MTSS2: variants seen among roughly 807,000 people sequenced by gnomAD.
MTSS2 encodes protein MTSS 2.
MTSS2 carries 27 observed loss-of-function variants against 67.1 expected under a neutral mutation model. The ratio of observed to expected loss-of-function variants is 0.40; its 90% CI spans 0.30 to 0.55. The LOEUF (loss-of-function observed/expected upper bound fraction) is 0.55, where lower values mean the gene tolerates loss of function less well. Among genes scored for constraint, MTSS2 ranks in the 20% least tolerant of loss-of-function variants. The pLI, the probability that MTSS2 is intolerant of heterozygous loss-of-function variation, is 0.43. For missense variants in MTSS2, 1,171 were observed against 1,067.8 expected, an observed-to-expected ratio of 1.10 and a Z score of -1.35; for synonymous variants, 624 against 468.6, an observed-to-expected ratio of 1.33 and a Z score of -4.28.
Position 70,663,417 on chromosome 16 carries a change from G to GGAA in MTSS2, c.*257_*259dup. ...AGGGAAGAGGCAGGGCCCCAGAGGA[G>GGAA]GAAGAGGAGGGACCGAAGAGCATAA... On this transcript the variant is annotated 3_prime_UTR_variant, in exon 15 of 15. Transcript: ENST00000338779. The GGAA allele has an allele frequency of 1.8e-6, 1 of 542,832 alleles. No homozygotes were observed. Among genetic ancestry groups the GGAA allele is most frequent in the Non-Finnish European group, 3.1e-6 (1 of 323,982 alleles). 33.6% of individuals were successfully genotyped at this position (542,832 alleles called of 1,614,324 possible). A position where few individuals can be genotyped will look rare whatever the true frequency, so the allele number is the denominator to read the frequency against.
At chr16:70,667,056 ACTTG>A (rs1483266466) in intron 11 of MTSS2, among the ~76,000 whole-genome samples, 2 of 152,148 alleles carry the variant, frequency 1.3e-5, no homozygotes, top group African/African-American at 4.8e-5. Context: ...CATAAGGATC[ACTTG>A]AGCCCAGGAG....
At chr16:70,668,745 C>T (rs2052814116) in intron 11 of MTSS2, among the ~76,000 whole-genome samples, 1 of 152,184 alleles carries the variant, frequency 6.6e-6, no homozygotes, top group Non-Finnish European at 1.5e-5. Context: ...TAGTTTGCCC[C>T]TTCCACCACT....
chr16:70,664,162 G>A lies in MTSS2; in HGVS notation c.1759C>T (p.Arg587Trp), dbSNP rs1382544571. 1.8e-5 allele frequency: 29 copies of A among 1,606,164 alleles called. No individual in the cohort carries two copies. Among genetic ancestry groups the A allele is most frequent in the East Asian group, 1.8e-4 (8 of 44,850 alleles). ...ALSSAGPIPI[R>W]PPIVPVKTPT... is the part of the protein sequence containing the mutation. ...GTCTTCACAGGGACGATGGGCGGCC[G>A]GATGGGGATGGGGCCAGCGCTGGAC... is the stretch of plus-strand genomic sequence containing the variant. Residue 587 changes from arginine (R) to tryptophan (W), a missense_variant, in exon 15 of 15, where the codon CGG (arginine) becomes TGG (tryptophan). Arg to Trp is a moderately radical substitution (Grantham distance 101). Coordinates refer to ENST00000338779, the MANE Select transcript of MTSS2 (RefSeq NM_138383.3).
At chr16:70,671,522 G>C (rs2142788969) in intron 11 of MTSS2, among the ~76,000 whole-genome samples, 1 of 152,194 alleles carries the variant, frequency 6.6e-6, no homozygotes, top group African/African-American at 2.4e-5. Context: ...AATAAATGGG[G>C]GAGAAGGGAC....
At position 70,663,520 on chromosome 16, in the gene MTSS2, G is replaced by A. The variant is rs2052569946; in HGVS notation, c.*157C>T. 1 of 1,333,530 alleles carries A rather than the reference G, an allele frequency of 7.5e-7. No individual in the cohort carries two copies. Among genetic ancestry groups the A allele is most frequent in the Non-Finnish European group, 9.9e-7 (1 of 1,013,126 alleles). 82.6% of individuals were successfully genotyped at this position (1,333,530 alleles called of 1,614,324 possible). On this transcript the variant is annotated 3_prime_UTR_variant, in exon 15 of 15. Transcript: ENST00000338779. ...CTAAGAAGTCACTTCCTGTTTAAAT[G>A]CTGGAATCCAAGTGAGGTGTCTTTC...
chr16:70,677,987 G>T (rs969188130), intron 8 of MTSS2, 88 bp from the exon 9 acceptor site: 3 of 1,176,138 alleles, frequency 2.6e-6, no homozygotes, highest in African/African-American at 3.0e-5. Context: ...GCCCTTGTCG[G>T]GCCTCTCCTC....
chr16:70,674,731 G>A (rs2053059635), intron 10 of MTSS2, among the ~76,000 whole-genome samples: 1 of 152,196 alleles, frequency 6.6e-6, no homozygotes, highest in Non-Finnish European at 1.5e-5. Context: ...GCCAGAGCAG[G>A]GTACCCCCAG....
chr16:70,665,782 T>C (rs13334862), intron 11 of MTSS2: 4 of 423,270 alleles, frequency 9.5e-6, no homozygotes, highest in Non-Finnish European at 1.3e-5. Flanking sequence ...CCTGCGCATT[T>C]TGAAGACTGA....
intron 6 of MTSS2, 53 bp downstream of exon 6, chr16:70,679,577 G>C (rs1442399841): frequency 6.5e-7 from 1 of 1,530,548 alleles, no homozygotes; most frequent in Non-Finnish European, 8.8e-7. Flanking sequence ...GGGGCGGTGG[G>C]GCTGTGGAGC....
At chr16:70,681,665 G>A (rs573995991) in intron 1 of MTSS2, among the ~76,000 whole-genome samples, 26 of 152,364 alleles carry the variant, frequency 1.7e-4, no homozygotes, top group African/African-American at 6.0e-4. Context: ...GGCCTTGTGC[G>A]GCCAACAGAG....
intron 9 of MTSS2, among the ~76,000 whole-genome samples, chr16:70,677,361 C>T (rs1480786122): frequency 6.6e-6 from 1 of 152,134 alleles, no homozygotes; most frequent in Non-Finnish European, 1.5e-5. Flanking sequence ...CTGGAGCGTG[C>T]TGCCCGCAGG....
chr16:70,684,836 C>A (rs1346340856), intron 1 of MTSS2, among the ~76,000 whole-genome samples: 1 of 152,194 alleles, frequency 6.6e-6, no homozygotes, highest in Non-Finnish European at 1.5e-5. Flanking sequence ...AAACCCTGGC[C>A]TCATTTGGGG....
chr16:70,677,890 G>C lies in MTSS2; in HGVS notation c.634C>G (p.Leu212Val). The C allele has an allele frequency of 6.2e-7, 1 of 1,607,686 alleles. No individual in the cohort carries two copies. The part of the protein sequence containing the change: ...TFLQPVVNGE[L>V]TMLGEITHLQ... The stretch of plus-strand genomic sequence containing the variant: ...TGGGTGATCTCTCCCAGCATGGTCA[G>C]CTCTCCATTCTGAGGAAGCAGCGAG... The change falls in exon 9 of 15, where the codon CTG becomes GTG. Residue 212 changes from leucine (L) to valine (V), a missense_variant. Transcript: ENST00000338779.
chr16:70,674,187 GGCCA>G, intron 11 of MTSS2, 115 bp downstream of exon 11: 1 of 770,340 alleles, frequency 1.3e-6, no homozygotes, highest in Non-Finnish European at 2.1e-6. Context: ...GGGGCCTTCA[GGCCA>G]GTCTCAACAG....
chr16:70,681,636 C>A (rs1366835674), intron 1 of MTSS2, among the ~76,000 whole-genome samples: 1 of 152,262 alleles, frequency 6.6e-6, no homozygotes, highest in African/African-American at 2.4e-5. Flanking sequence ...CTGGGACAAC[C>A]AGGCCCTGGG....
chr16:70,674,363 G>A lies in MTSS2; in HGVS notation c.996C>T (p.Ser332=). 6.2e-7 allele frequency: 1 copy of A among 1,614,130 alleles called. No individual in the cohort carries two copies. Among genetic ancestry groups the A allele is most frequent in the Non-Finnish European group, 8.5e-7 (1 of 1,180,038 alleles). ...GGGGCTTGGAGTAGGTGGCGTCCTG[G>A]GAGACGAAGCCAGAGTCATGGGAGG... ...SVSSHDSGFV[S]QDATYSKPPS... Residue 332 remains serine, a synonymous_variant, in exon 11 of 15, where the codon TCC becomes TCT. Coordinates refer to ENST00000338779, the MANE Select transcript of MTSS2 (RefSeq NM_138383.3).
intron 7 of MTSS2, 106 bp downstream of exon 7, chr16:70,679,209 T>C: frequency 5.5e-6 from 8 of 1,444,044 alleles, no homozygotes; most frequent in Non-Finnish European, 7.8e-6. Context: ...CCTTCCTCGC[T>C]TCTCCTTGGC....
chr16:70,680,128 G>A (rs1597825604), intron 3 of MTSS2, 73 bp from the exon 4 acceptor site: 1 of 1,113,980 alleles, frequency 9.0e-7, no homozygotes, highest in African/African-American at 1.7e-5. Flanking sequence ...CCAGGAGGGG[G>A]CGCCCCGGCC....
intron 7 of MTSS2, 129 bp from the exon 8 acceptor site, chr16:70,678,538 C>G (rs1450420223): frequency 1.8e-6 from 2 of 1,082,616 alleles, no homozygotes; most frequent in Non-Finnish European, 2.6e-6. Context: ...GGCCAGGGGA[C>G]TGCGGAGGGC....
Sources: allele counts gnomAD v4.1 joint callset (sites outside exome capture counted in the v4.1 genomes callset), GRCh38; gene constraint gnomAD v4.1.1; transcripts MANE v1.5; gene names NCBI Gene and HGNC (gene_info 2026-07-23, HGNC 2026-07-21).